The following PLCB4 variants were observed in gnomAD, a reference collection of about 807,000 sequenced individuals.
PLCB4 encodes the protein 1-phosphatidylinositol 4,5-bisphosphate phosphodiesterase beta-4.
A neutral mutation model predicts 178.8 loss-of-function variants in PLCB4; 77 were observed. The ratio of observed to expected loss-of-function variants is 0.43; its 90% CI spans 0.36 to 0.52. The LOEUF (loss-of-function observed/expected upper bound fraction) is 0.52. PLCB4 is among the 20% of genes least tolerant of loss of function. PLCB4 has a pLI of 0.00. For synonymous variants in PLCB4, 496 were observed against 490.8 expected (o/e 1.01, Z -0.14); for missense variants, 1,024 against 1,453.4 (o/e 0.70, Z 4.80).
chr20:9,165,914 T>C (rs2092963637), intron 2 of PLCB4, among the ~76,000 whole-genome samples: 1 of 152,078 alleles, frequency 6.6e-6, no homozygotes, highest in Non-Finnish European at 1.5e-5. Context: ...TTACTATCTG[T>C]GCAAGGCAGA....
intron 3 of PLCB4, among the ~76,000 whole-genome samples, chr20:9,253,798 G>T (rs2094206031): frequency 6.6e-6 from 1 of 152,180 alleles, no homozygotes; most frequent in African/African-American, 2.4e-5. Context: ...TTTAGAAGGT[G>T]CACATACCTC....
intron 34 of PLCB4, among the ~76,000 whole-genome samples, chr20:9,458,478 A>G (rs1017574255): frequency 2.6e-5 from 4 of 152,224 alleles, no homozygotes; most frequent in African/African-American, 9.6e-5. Flanking sequence ...GCACATTGAA[A>G]CAACTACTAC....
Position 9,338,889 on chromosome 20 carries a change from T to C in PLCB4, c.226-5T>C, listed in dbSNP as rs2032840086. Reference sequence around the variant, plus strand: ...TTTTTTTTCTATCTGTGTACCTCTATACAGGATCCCAAAATCTTGGCTGCT... The same window carrying C: ...TTTTTTTTCTATCTGTGTACCTCTACACAGGATCCCAAAATCTTGGCTGCT... On this transcript the variant is annotated splice_region_variant and splice_polypyrimidine_tract_variant and intron_variant, in intron 6 of 39. Transcript: ENST00000378473. 6.2e-7 allele frequency: 1 copy of C among 1,612,522 alleles called. No individual in the cohort carries two copies. The highest frequency in any genetic ancestry group is 1.3e-5 in the African/African-American group (1 of 74,962).
intron 3 of PLCB4, among the ~76,000 whole-genome samples, chr20:9,306,058 A>G (rs1431312768): frequency 6.6e-6 from 1 of 152,078 alleles, no homozygotes; most frequent in Non-Finnish European, 1.5e-5. Context: ...ACGTTCTTCT[A>G]CTGTTACTTT....
In PLCB4 at chr20:9,443,993, T is replaced by C. The variant is rs761414826; in HGVS notation, c.2777T>C (p.Ile926Thr). 4 of 1,592,730 alleles carry C rather than the reference T, an allele frequency of 2.5e-6. No homozygotes were observed. The highest frequency in any genetic ancestry group is 3.4e-6 in the Non-Finnish European group (4 of 1,166,292). The change falls in exon 31 of 40, where the codon ATC (isoleucine) becomes ACC (threonine). Residue 926 changes from isoleucine (I) to threonine (T), a missense_variant. Physicochemically the swap from Ile to Thr is moderately conservative, Grantham distance 89. Coordinates refer to ENST00000378473, the MANE Select transcript of PLCB4 (RefSeq NM_001377142.1). The part of the protein sequence containing the change: ...GVEAKKGIEL[I>T]PQVRIEDLKQ... Reference sequence around the variant, plus strand: ...TTTGTTTGTTTAGGTATTGAACTTATCCCTCAAGTAAGGATAGAAGACTTA... The same window carrying C: ...TTTGTTTGTTTAGGTATTGAACTTACCCCTCAAGTAAGGATAGAAGACTTA...
chr20:9,168,253 A>G lies in PLCB4; in HGVS notation c.-78-49137A>G, dbSNP rs79519466. Among the ~76,000 whole-genome samples, 293 of 152,302 alleles carry G rather than the reference A, an allele frequency of 1.9e-3. 1 individual carries two copies. The highest frequency in any genetic ancestry group is 6.8e-3 in the Middle Eastern group (2 of 294). ...ATAGACTCTCCCGGGGCTTTGGGGTAAGTTATCTTATACAGATGGAGGCTA... is the reference window on the plus strand; with the variant it reads ...ATAGACTCTCCCGGGGCTTTGGGGTGAGTTATCTTATACAGATGGAGGCTA... On this transcript the variant is annotated intron_variant, in intron 2 of 39. Transcript: ENST00000378473.
intron 38 of PLCB4, among the ~76,000 whole-genome samples, chr20:9,474,988 C>G (rs2044448496): frequency 6.6e-6 from 1 of 152,204 alleles, no homozygotes; most frequent in South Asian, 2.1e-4. Flanking sequence ...TCAGAAAGTG[C>G]TCCTGGGGGA....
At chr20:9,087,757 T>A (rs1313868946) in intron 1 of PLCB4, among the ~76,000 whole-genome samples, 5 of 152,230 alleles carry the variant, frequency 3.3e-5, no homozygotes, top group Admixed American at 2.6e-4. Context: ...TTCTTTCTCA[T>A]ACACACCCTG....
intron 2 of PLCB4, among the ~76,000 whole-genome samples, chr20:9,187,123 G>A (rs1330438074): frequency 6.6e-6 from 1 of 151,884 alleles, no homozygotes; most frequent in African/African-American, 2.4e-5. Context: ...GTGCCTACCA[G>A]CAGCCTGGAT....
chr20:9,414,749 C>T (rs1190880818), intron 25 of PLCB4, among the ~76,000 whole-genome samples: 1 of 152,162 alleles, frequency 6.6e-6, no homozygotes, highest in African/African-American at 2.4e-5. Context: ...TTTTAACAGT[C>T]TCGTTTTTGA....
At chr20:9,285,869 G>A (rs530799270) in intron 3 of PLCB4, among the ~76,000 whole-genome samples, 3 of 152,112 alleles carry the variant, frequency 2.0e-5, no homozygotes, top group East Asian at 1.9e-4. Flanking sequence ...GTACAGCAGT[G>A]AAAATAGTGT....
intron 22 of PLCB4, among the ~76,000 whole-genome samples, chr20:9,408,364 A>T (rs1012015116): frequency 1.3e-5 from 2 of 152,240 alleles, no homozygotes; most frequent in African/African-American, 4.8e-5. Context: ...TTTCAAAAAA[A>T]CATAAGAAGT....
chr20:9,276,511 A>G lies in PLCB4; in HGVS notation c.-15-31289A>G, dbSNP rs145697997. On this transcript the variant is annotated intron_variant, in intron 3 of 39. Coordinates refer to ENST00000378473, the MANE Select transcript of PLCB4 (RefSeq NM_001377142.1). ...CTATTAGAATCAAGCCTCTGGGTAC[A>G]TTTTTATATGTTTTATTCTTTCAGG... Among the ~76,000 whole-genome samples the G allele has an allele frequency of 6.3e-3, 960 of 152,120 alleles. 14 individuals are homozygous for G. Among genetic ancestry groups the G allele is most frequent in the African/African-American group, 0.022 (924 of 41,534 alleles).
At chr20:9,202,902 A>G (rs529227831) in intron 2 of PLCB4, among the ~76,000 whole-genome samples, 238 of 152,046 alleles carry the variant, frequency 1.6e-3, no homozygotes, top group African/African-American at 5.5e-3. Context: ...TGGGTCATGA[A>G]AAGTTTGCAG....
chr20:9,354,263 T>C (rs2148179609), intron 7 of PLCB4, among the ~76,000 whole-genome samples: 1 of 152,292 alleles, frequency 6.6e-6, no homozygotes, highest in Admixed American at 6.5e-5. Flanking sequence ...ACCCTAAAGG[T>C]AGTTAGTTAG....
chr20:9,431,437 C>A (rs146420969), intron 28 of PLCB4, among the ~76,000 whole-genome samples: 6 of 152,180 alleles, frequency 3.9e-5, no homozygotes, highest in African/African-American at 1.2e-4. Context: ...ATTCAACCTA[C>A]TCCACCCTCT....
intron 4 of PLCB4, among the ~76,000 whole-genome samples, chr20:9,313,787 A>C (rs959197428): frequency 6.6e-6 from 1 of 152,134 alleles, no homozygotes; most frequent in African/African-American, 2.4e-5. Context: ...CACCACCACC[A>C]CTGGCTGGGC....
At chr20:9,190,970 T>A (rs2147137446) in intron 2 of PLCB4, among the ~76,000 whole-genome samples, 1 of 152,304 alleles carries the variant, frequency 6.6e-6, no homozygotes, top group East Asian at 1.9e-4. Context: ...GAAGTGATTT[T>A]GTATGGTTTA....
At chr20:9,159,580 T>A (rs931801444) in intron 2 of PLCB4, among the ~76,000 whole-genome samples, 1 of 152,120 alleles carries the variant, frequency 6.6e-6, no homozygotes, top group Non-Finnish European at 1.5e-5. Flanking sequence ...CATCTGAAGG[T>A]TTTGCTGATT....
Sources: allele counts gnomAD v4.1 joint callset (sites outside exome capture counted in the v4.1 genomes callset), GRCh38; gene constraint gnomAD v4.1.1; transcripts MANE v1.5; gene names NCBI Gene and HGNC (gene_info 2026-07-23, HGNC 2026-07-21).